Variants in PRKG1 observed in about 807,000 individuals in gnomAD.
The protein encoded by PRKG1 is cGMP-dependent protein kinase 1.
In PRKG1, 35 loss-of-function variants were observed where a neutral mutation model predicts 88.1. The ratio of observed to expected loss-of-function variants is 0.40; its 90% confidence interval spans 0.30 to 0.53. The LOEUF (loss-of-function observed/expected upper bound fraction) is 0.53. Among genes scored for constraint, PRKG1 ranks in the 20% least tolerant of loss-of-function variants. The pLI, the probability that PRKG1 is intolerant of heterozygous loss-of-function variation, is 0.59. For missense variants in PRKG1, 540 were observed against 839.8 expected, an observed-to-expected ratio of 0.64 and a Z score of 4.41; for synonymous variants, 303 against 292.5, an observed-to-expected ratio of 1.04 and a Z score of -0.37.
rs566257649 is a variant in PRKG1 at position 51,275,229 on chromosome 10, A to G, written c.478+121899A>G. 1.2e-4 allele frequency among the ~76,000 whole-genome samples: 18 copies of G among 152,344 alleles called. No homozygotes were observed. In the East Asian group the frequency reaches 2.5e-3, roughly 21 times the overall value. ...CATTATAAAGTTGTCTTTATTGTCT[A>G]CCATCATCTTTCCCAGCTCTTATGT... is the stretch of plus-strand genomic sequence containing the variant. On this transcript the variant is annotated intron_variant, in intron 2 of 17. Transcript: ENST00000373980.
intron 2 of PRKG1, among the ~76,000 whole-genome samples, chr10:51,463,649 T>C (rs1839803307): frequency 6.6e-6 from 1 of 152,196 alleles, no homozygotes; most frequent in Admixed American, 6.5e-5. Flanking sequence ...CTTTCTTAGG[T>C]GAACCACACA....
chr10:52,171,598 A>G (rs1838677553), intron 9 of PRKG1, among the ~76,000 whole-genome samples: 1 of 152,168 alleles, frequency 6.6e-6, no homozygotes, highest in Admixed American at 6.5e-5. Flanking sequence ...AGGCAGAAGT[A>G]TACAATGGTT....
At chr10:51,602,367 G>A (rs186049849) in intron 3 of PRKG1, among the ~76,000 whole-genome samples, 5 of 152,108 alleles carry the variant, frequency 3.3e-5, no homozygotes, top group African/African-American at 1.2e-4. Context: ...ATAACCTTAT[G>A]TTTACTTGTA....
chr10:51,206,417 G>T (rs182621817), intron 2 of PRKG1, among the ~76,000 whole-genome samples: 1 of 151,648 alleles, frequency 6.6e-6, no homozygotes, highest in Non-Finnish European at 1.5e-5. Context: ...GCTTAAACCC[G>T]GGAGGCGGAG....
chr10:51,223,629 A>T (rs909508384), intron 2 of PRKG1, among the ~76,000 whole-genome samples: 2 of 152,234 alleles, frequency 1.3e-5, no homozygotes, highest in African/African-American at 4.8e-5. Context: ...ACATAAATTT[A>T]ATGGCTGTAT....
At chr10:51,839,394 C>T (rs988810014) in intron 4 of PRKG1, among the ~76,000 whole-genome samples, 3 of 152,242 alleles carry the variant, frequency 2.0e-5, no homozygotes, top group Admixed American at 1.3e-4. Flanking sequence ...CCCACCTCTA[C>T]CATGTTGAGT....
At chr10:51,793,306 A>G (rs974600945) in intron 3 of PRKG1, among the ~76,000 whole-genome samples, 9 of 152,046 alleles carry the variant, frequency 5.9e-5, no homozygotes, top group African/African-American at 2.2e-4. Flanking sequence ...TCAGTGCAGA[A>G]CAGAAGAATC....
At chr10:51,357,563 CT>C (rs1454237388) in intron 2 of PRKG1, among the ~76,000 whole-genome samples, 1 of 151,920 alleles carries the variant, frequency 6.6e-6, no homozygotes, top group Non-Finnish European at 1.5e-5. Context: ...CTGTAAAATC[CT>C]TTTTCTCCAC....
intron 4 of PRKG1, among the ~76,000 whole-genome samples, chr10:51,870,342 T>C (rs575933515): frequency 6.6e-6 from 1 of 152,210 alleles, no homozygotes; most frequent in Admixed American, 6.5e-5. Context: ...TCCAGTGTTG[T>C]CAGAGTTAAG....
intron 1 of PRKG1, among the ~76,000 whole-genome samples, chr10:51,084,203 G>T (rs1470500520): frequency 1.3e-5 from 2 of 152,138 alleles, no homozygotes; most frequent in Non-Finnish European, 2.9e-5. Context: ...CAGCTTCATG[G>T]AGTGCATTTG....
chr10:51,176,220 T>G lies in PRKG1; in HGVS notation c.478+22890T>G, dbSNP rs139561553. Among the ~76,000 whole-genome samples, 78 of 152,266 alleles carry G rather than the reference T, an allele frequency of 5.1e-4. 1 individual carries two copies. In the East Asian group the frequency reaches 0.015, roughly 28 times the overall value. On this transcript the variant is annotated intron_variant, in intron 2 of 17. Coordinates refer to ENST00000373980, the MANE Select transcript of PRKG1 (RefSeq NM_006258.4). ...CCTAACAACTCTATGAAATAGATGT[T>G]AGACTCATTTCACTAATGAAAAATA...
chr10:52,169,945 AGT>A (rs775713914), intron 9 of PRKG1, among the ~76,000 whole-genome samples: 49 of 152,148 alleles, frequency 3.2e-4, no homozygotes, highest in Non-Finnish European at 4.0e-4. Context: ...AAAGGTTAAG[AGT>A]GAGACCATCT....
intron 5 of PRKG1, among the ~76,000 whole-genome samples, chr10:52,051,892 G>A (rs1845995856): frequency 6.6e-6 from 1 of 152,142 alleles, no homozygotes; most frequent in African/African-American, 2.4e-5. Context: ...GGTGCAGAGT[G>A]AGGAAAGGGG....
At chr10:51,079,289 A>G (rs1345972065) in intron 1 of PRKG1, among the ~76,000 whole-genome samples, 4 of 152,210 alleles carry the variant, frequency 2.6e-5, no homozygotes, top group African/African-American at 7.2e-5. Flanking sequence ...GAGTAAGGTA[A>G]GTCACAGGGG....
chr10:52,055,179 T>A (rs182898857), intron 6 of PRKG1, among the ~76,000 whole-genome samples: 1 of 152,284 alleles, frequency 6.6e-6, no homozygotes, highest in Admixed American at 6.5e-5. Context: ...ACAAAATTCA[T>A]CAAGTCATTA....
chr10:51,851,315 A>C (rs533486770), intron 4 of PRKG1, among the ~76,000 whole-genome samples: 8 of 152,276 alleles, frequency 5.3e-5, no homozygotes, highest in Admixed American at 2.0e-4. Context: ...ATGTCTTGAG[A>C]TATTTTTCGT....
At chr10:52,290,881 C>G (rs981574919) in intron 17 of PRKG1, among the ~76,000 whole-genome samples, 3 of 148,920 alleles carry the variant, frequency 2.0e-5, no homozygotes, top group Non-Finnish European at 4.5e-5. Flanking sequence ...TAAAATAACA[C>G]TTTTTCAAAG....
intron 1 of PRKG1, among the ~76,000 whole-genome samples, chr10:51,114,166 C>G (rs1198016320): frequency 6.6e-6 from 1 of 152,010 alleles, no homozygotes; most frequent in Non-Finnish European, 1.5e-5. Context: ...GTCAAACTTC[C>G]TTTAATACTA....
rs144946204 is a variant in PRKG1 at position 52,247,227 on chromosome 10, T to C, written c.1077-4343T>C. Reference sequence around the variant, plus strand: ...TGTCTCAAACTAAATTAAAAATGATTAGAAAATGTGTTATATACTATTTTA... The same window carrying C: ...TGTCTCAAACTAAATTAAAAATGATCAGAAAATGTGTTATATACTATTTTA... On this transcript the variant is annotated intron_variant, in intron 9 of 17. Coordinates refer to ENST00000373980, the MANE Select transcript of PRKG1 (RefSeq NM_006258.4). Among the ~76,000 whole-genome samples the C allele has an allele frequency of 2.7e-3, 406 of 152,328 alleles. 1 individual carries two copies. Among genetic ancestry groups the C allele is most frequent in the African/African-American group, 9.0e-3 (375 of 41,590 alleles).
Sources: gnomAD v4.1 joint callset for allele counts (sites outside exome capture counted in the v4.1 genomes callset) on GRCh38, gnomAD v4.1.1 for gene constraint, MANE v1.5 for transcripts, NCBI Gene and HGNC (gene_info 2026-07-23, HGNC 2026-07-21) for gene names.